The following PCDHGA6 variants were observed in gnomAD, a reference collection of about 807,000 sequenced individuals.
PCDHGA6 encodes the protein protocadherin gamma subfamily A, 6.
Under a neutral mutation model 60.6 loss-of-function variants are expected in PCDHGA6, and 41 were observed. That is an observed-to-expected ratio of 0.68 (90% CI 0.53 to 0.88). The LOEUF is 0.88. PCDHGA6 is among the 40% of genes least tolerant of loss of function. The pLI, the probability that PCDHGA6 is intolerant of heterozygous loss-of-function variation, is 0.00. For synonymous variants in PCDHGA6, 594 were observed against 524.4 expected (o/e 1.13, Z -1.81); for missense variants, 1,312 against 1,203.0 (o/e 1.09, Z -1.34).
intron 1 of PCDHGA6, chr5:141,403,746 C>G (rs773668506): frequency 1.2e-6 from 2 of 1,613,904 alleles, no homozygotes; most frequent in Non-Finnish European, 8.5e-7. Flanking sequence ...CTTACTGCAA[C>G]AGCCAGCGAC....
At chr5:141,387,714 A>G in intron 1 of PCDHGA6, 1 of 1,059,158 alleles carries the variant, frequency 9.4e-7, no homozygotes, top group East Asian at 2.6e-5. Context: ...GCCCCAGCTC[A>G]GACTCCCCAG....
Position 141,485,631 on chromosome 5 carries a change from C to T in PCDHGA6, c.2425-9176C>T. 6.2e-7 allele frequency: 1 copy of T among 1,611,764 alleles called. No homozygotes were observed. The highest frequency in any genetic ancestry group is 8.5e-7 in the Non-Finnish European group (1 of 1,178,360). Reference sequence around the variant, plus strand: ...GCAGCTCCTCCAGGACAGCGTTTCCCGTTGGAAAAGGCTCAGGATGCAGAT... The same window carrying T: ...GCAGCTCCTCCAGGACAGCGTTTCCTGTTGGAAAAGGCTCAGGATGCAGAT... On this transcript the variant is annotated intron_variant, in intron 1 of 3. Coordinates refer to ENST00000517434, the MANE Select transcript of PCDHGA6 (RefSeq NM_018919.3). The surrounding 1 kb of genome is among the most constrained non-coding windows in gnomAD (Gnocchi z 5.7).
At chr5:141,412,100 C>G (rs1041242156) in intron 1 of PCDHGA6, 2 of 152,180 alleles carry the variant, frequency 1.3e-5, no homozygotes, top group Non-Finnish European at 2.9e-5. Context: ...TGGGCACACA[C>G]AGTTGAAGAT....
chr5:141,440,451 A>G (rs2098179077), intron 1 of PCDHGA6: 1 of 152,230 alleles, frequency 6.6e-6, no homozygotes, highest in Non-Finnish European at 1.5e-5. Flanking sequence ...CATCTCAAAA[A>G]AAATGAACAA....
chr5:141,419,759 G>A (rs1179602962), intron 1 of PCDHGA6: 2 of 1,614,004 alleles, frequency 1.2e-6, no homozygotes, highest in Admixed American at 3.3e-5. Context: ...TGCTTTGGGT[G>A]ACAAGGACTC....
At chr5:141,383,111 GGAC>G in intron 1 of PCDHGA6, 1 of 1,614,040 alleles carries the variant, frequency 6.2e-7, no homozygotes, top group South Asian at 1.1e-5. Context: ...TCCAGAGGTA[GGAC>G]GCAGCTTTTC....
At chr5:141,424,628 A>C (rs962512805) in intron 1 of PCDHGA6, 3 of 152,348 alleles carry the variant, frequency 2.0e-5, no homozygotes, top group African/African-American at 7.2e-5. Flanking sequence ...GTTTGTGAAT[A>C]TATAAATAGA....
At chr5:141,423,694 T>A in intron 1 of PCDHGA6, 1 of 1,501,554 alleles carries the variant, frequency 6.7e-7, no homozygotes, top group Non-Finnish European at 8.9e-7. Context: ...TAATTGTTGG[T>A]GTCTTGGCAC....
rs770219250 is a variant in PCDHGA6, at chr5:141,477,852, T to C, written c.2425-16955T>C. Reference sequence around the variant, plus strand: ...CGGCCAGGTGGGAGCTCGGTGGAGATGCTGCCTCGAGGTACCTCAGCTGGC... The same window carrying C: ...CGGCCAGGTGGGAGCTCGGTGGAGACGCTGCCTCGAGGTACCTCAGCTGGC... On this transcript the variant is annotated intron_variant, in intron 1 of 3. Transcript: ENST00000517434. This position sits in a 1 kb window ranked among gnomAD's most constrained non-coding sequence, Gnocchi z 4.9. The C allele has an allele frequency of 6.2e-7, 1 of 1,613,654 alleles. No homozygotes were observed. Among genetic ancestry groups the C allele is most frequent in the Admixed American group, 1.7e-5 (1 of 59,980 alleles).
chr5:141,495,000 G>A lies in PCDHGA6; in HGVS notation c.2483+135G>A, dbSNP rs191756104. ...AGTTTGAGATCCCAGGGAGGTCTTG[G>A]TGTGCGGGGGGCTGGCACACAGACC... On this transcript the variant is annotated intron_variant, in intron 2 of 3. Transcript: ENST00000517434. 1.3e-4 allele frequency: 202 copies of A among 1,531,656 alleles called. 2 individuals carry two copies. The African/African-American group carries it at 2.4e-3, about 19-fold the overall frequency. The allele number at this position is 1,531,656 out of a possible 1,614,324, so 94.9% of individuals were successfully genotyped here. A position where few individuals can be genotyped will look rare whatever the true frequency, so the allele number is the denominator to read the frequency against.
At chr5:141,418,287 G>C in intron 1 of PCDHGA6, 1 of 1,614,020 alleles carries the variant, frequency 6.2e-7, no homozygotes, top group South Asian at 1.1e-5. Context: ...TTAGAAATCA[G>C]TGAATCCGTC....
intron 1 of PCDHGA6, chr5:141,389,528 G>A (rs200792478): frequency 1.2e-6 from 2 of 1,613,210 alleles, no homozygotes; most frequent in East Asian, 2.2e-5. Context: ...GCCTGCGCGT[G>A]TTAGTGGACG....
intron 1 of PCDHGA6, chr5:141,405,635 C>T (rs539370352): frequency 1.3e-4 from 69 of 526,234 alleles, no homozygotes; most frequent in Non-Finnish European, 1.9e-4. Context: ...CCACCACGCC[C>T]GGCTAATTTT....
intron 1 of PCDHGA6, chr5:141,426,408 G>A (rs2096933631): frequency 1.2e-5 from 3 of 258,388 alleles, no homozygotes; most frequent in South Asian, 4.8e-5. Flanking sequence ...CAGAAGAAAC[G>A]GTCCAGGGCT....
In PCDHGA6 at chr5:141,486,936, A is replaced by G; in HGVS notation, c.2425-7871A>G. 2 of 1,614,184 alleles carry G rather than the reference A, an allele frequency of 1.2e-6. No individual in the cohort carries two copies. Among genetic ancestry groups the G allele is most frequent in the Non-Finnish European group, 1.7e-6 (2 of 1,180,030 alleles). On this transcript the variant is annotated intron_variant, in intron 1 of 3. Transcript: ENST00000517434. This position sits in a 1 kb window ranked among gnomAD's most constrained non-coding sequence, Gnocchi z 5.0. ...CTGCCTCCATCAGTTGGTGCTGGCC[A>G]CCTAATCACAAAGGTGACTGCTGTG...
At chr5:141,394,300 T>G (rs753637808) in intron 1 of PCDHGA6, 2 of 1,613,820 alleles carry the variant, frequency 1.2e-6, no homozygotes, top group African/African-American at 2.7e-5. Context: ...GAGGACACGC[T>G]GCAGGGGGCG....
At chr5:141,407,370 A>G (rs1434825695) in intron 1 of PCDHGA6, among the ~76,000 whole-genome samples, 2 of 152,228 alleles carry the variant, frequency 1.3e-5, no homozygotes, top group Non-Finnish European at 2.9e-5. Flanking sequence ...ACAGATATCC[A>G]TGAAGGCTTG....
rs1387036035 is a variant in PCDHGA6, at chr5:141,432,158, A to G, written c.2424+55651A>G. ...CGCTTATATCCCAGAGAACAATCCC[A>G]GAGGAGTTTCCCTCGTCTCTGTGAC... is the stretch of plus-strand genomic sequence containing the variant. On this transcript the variant is annotated intron_variant, in intron 1 of 3. Coordinates refer to ENST00000517434, the MANE Select transcript of PCDHGA6 (RefSeq NM_018919.3). The surrounding 1 kb of genome is among the most constrained non-coding windows in gnomAD (Gnocchi z 6.0). The G allele has an allele frequency of 6.2e-7, 1 of 1,613,932 alleles. No individual in the cohort carries two copies. Among genetic ancestry groups the G allele is most frequent in the Non-Finnish European group, 8.5e-7 (1 of 1,180,002 alleles).
rs768994533 is a variant in PCDHGA6 at position 141,486,589 on chromosome 5, C to G, written c.2425-8218C>G. On this transcript the variant is annotated intron_variant, in intron 1 of 3. Transcript: ENST00000517434. This position sits in a 1 kb window ranked among gnomAD's most constrained non-coding sequence, Gnocchi z 5.0. Reference sequence around the variant, plus strand: ...TTCCTGAGAACAATCGCCCAGGGGACCTGCTTTGCTCCCTTGCAGCCTCTG... The same window carrying G: ...TTCCTGAGAACAATCGCCCAGGGGAGCTGCTTTGCTCCCTTGCAGCCTCTG... 1 of 1,613,676 alleles carries G rather than the reference C, an allele frequency of 6.2e-7. No individual in the cohort carries two copies. Among genetic ancestry groups the G allele is most frequent in the Non-Finnish European group, 8.5e-7 (1 of 1,179,996 alleles).
Sources: gnomAD v4.1 joint callset for allele counts (sites outside exome capture counted in the v4.1 genomes callset) on GRCh38, gnomAD v4.1.1 for gene constraint, Gnocchi (gnomAD v3.1) non-coding constraint, MANE v1.5 for transcripts, NCBI Gene and HGNC (gene_info 2026-07-23, HGNC 2026-07-21) for gene names.